Variants in IMMP2L observed in about 807,000 individuals in gnomAD.
IMMP2L encodes the protein mitochondrial inner membrane protease subunit 2.
Under a neutral mutation model 19.3 loss-of-function variants are expected in IMMP2L, and 18 were observed. That is an observed-to-expected ratio of 0.93 (90% CI 0.64 to 1.38). The LOEUF is 1.38. Among genes scored for constraint, IMMP2L ranks in the 40% most tolerant of loss-of-function variants. The pLI is 0.00. For synonymous variants in IMMP2L, 76 were observed against 73.0 expected (o/e 1.04, Z -0.21); for missense variants, 233 against 218.2 (o/e 1.07, Z -0.43).
At chr7:111,348,825 G>T (rs1008943082) in intron 3 of IMMP2L, among the ~76,000 whole-genome samples, 23 of 152,044 alleles carry the variant, frequency 1.5e-4, no homozygotes, top group South Asian at 6.2e-4. Flanking sequence ...GACATCCAAG[G>T]GTTCTGGTAT....
At chr7:110,857,619 C>G (rs1806930981) in intron 5 of IMMP2L, among the ~76,000 whole-genome samples, 1 of 152,068 alleles carries the variant, frequency 6.6e-6, no homozygotes. Context: ...TAGAGCTCAA[C>G]AATCTGTATT....
chr7:111,443,567 T>A (rs944326584), intron 3 of IMMP2L, among the ~76,000 whole-genome samples: 2 of 152,300 alleles, frequency 1.3e-5, no homozygotes, highest in East Asian at 3.9e-4. Flanking sequence ...GACATCCTAG[T>A]GTGCTGCTTT....
rs148103178 is a variant in IMMP2L, at chr7:110,963,170, C to T, written c.305+330G>A. On this transcript the variant is annotated intron_variant, in intron 4 of 5. Coordinates refer to ENST00000405709, the MANE Select transcript of IMMP2L (RefSeq NM_032549.4). ...ATGTTCTTGAATTTTTTTAAATGAA[C>T]CTTAACATCATAATCTTAATCTTAA... The T allele has an allele frequency of 2.1e-4, 230 of 1,074,696 alleles. No individual in the cohort carries two copies. In the African/African-American group the frequency reaches 3.4e-3, roughly 16 times the overall value. The allele number at this position is 1,074,696 out of a possible 1,614,324, so 66.6% of individuals were successfully genotyped here. A position where few individuals can be genotyped will look rare whatever the true frequency, so the allele number is the denominator to read the frequency against.
chr7:110,987,058 T>C (rs1264192772), intron 3 of IMMP2L, among the ~76,000 whole-genome samples: 1 of 152,152 alleles, frequency 6.6e-6, no homozygotes. Flanking sequence ...TATATCAATC[T>C]AGTGGATAGA....
At chr7:111,271,902 C>T (rs921418481) in intron 3 of IMMP2L, among the ~76,000 whole-genome samples, 2 of 152,146 alleles carry the variant, frequency 1.3e-5, no homozygotes, top group Non-Finnish European at 2.9e-5. Context: ...ACATTCTATT[C>T]CTACACATGT....
At chr7:111,421,267 C>CTTTTTT (rs1227013257) in intron 3 of IMMP2L, among the ~76,000 whole-genome samples, 13 of 122,912 alleles carry the variant, frequency 1.1e-4, no homozygotes, top group East Asian at 2.4e-4. Context: ...TTGTTTTTTT[C>CTTTTTT]TTTTTTTTTT....
intron 3 of IMMP2L, chr7:111,099,883 G>A (rs757409375): frequency 2.6e-5 from 4 of 151,528 alleles, no homozygotes; most frequent in Non-Finnish European, 4.4e-5. Flanking sequence ...CAACAAAGAC[G>A]AGGAAGAGGA....
chr7:111,029,895 C>G (rs1270571675), intron 3 of IMMP2L, among the ~76,000 whole-genome samples: 1 of 152,134 alleles, frequency 6.6e-6, no homozygotes, highest in African/African-American at 2.4e-5. Flanking sequence ...GCATAAGTGG[C>G]TTCTGGCAGG....
intron 3 of IMMP2L, among the ~76,000 whole-genome samples, chr7:111,004,156 A>C (rs1313215747): frequency 6.6e-6 from 1 of 152,068 alleles, no homozygotes; most frequent in Non-Finnish European, 1.5e-5. Flanking sequence ...AGGTCACATA[A>C]GCTTCTATAA....
intron 1 of IMMP2L, among the ~76,000 whole-genome samples, chr7:111,530,842 A>C (rs922656246): frequency 2.3e-4 from 35 of 152,196 alleles, no homozygotes; most frequent in Admixed American, 2.0e-4. Context: ...ACTCAGATAA[A>C]AGAAAAATAT....
At chr7:111,097,829 C>A (rs1797565009) in intron 3 of IMMP2L, among the ~76,000 whole-genome samples, 1 of 151,834 alleles carries the variant, frequency 6.6e-6, no homozygotes, top group African/African-American at 2.4e-5. Context: ...ATGACCTTTA[C>A]TGAAATTTCA....
chr7:111,345,648 G>A (rs909658975), intron 3 of IMMP2L, among the ~76,000 whole-genome samples: 4 of 152,130 alleles, frequency 2.6e-5, no homozygotes, highest in Non-Finnish European at 4.4e-5. Flanking sequence ...TAGAACATCA[G>A]AGGAGGCTAG....
At chr7:111,097,753 G>A (rs1797556383) in intron 3 of IMMP2L, among the ~76,000 whole-genome samples, 1 of 151,786 alleles carries the variant, frequency 6.6e-6, no homozygotes, top group East Asian at 1.9e-4. Flanking sequence ...CAGTCACTCA[G>A]AAATACCAAA....
intron 4 of IMMP2L, among the ~76,000 whole-genome samples, chr7:110,927,572 A>G (rs770865095): frequency 3.3e-5 from 5 of 152,112 alleles, no homozygotes; most frequent in Non-Finnish European, 5.9e-5. Context: ...ATGGAATGTC[A>G]CTGGTTTTAT....
At chr7:110,895,027 A>G (rs1811183977) in intron 4 of IMMP2L, among the ~76,000 whole-genome samples, 1 of 152,182 alleles carries the variant, frequency 6.6e-6, no homozygotes, top group Admixed American at 6.6e-5. Context: ...AGACACACCC[A>G]AGACTGGGCA....
chr7:110,947,785 C>T (rs2129553744), intron 4 of IMMP2L, among the ~76,000 whole-genome samples: 1 of 152,288 alleles, frequency 6.6e-6, no homozygotes, highest in East Asian at 1.9e-4. Context: ...AGAGCTGAAG[C>T]AGCGTGGGAT....
intron 3 of IMMP2L, among the ~76,000 whole-genome samples, chr7:111,038,053 C>A (rs553260627): frequency 6.6e-6 from 1 of 151,978 alleles, no homozygotes; most frequent in African/African-American, 2.4e-5. Context: ...AAATATTGAC[C>A]GCACCATAAC....
chr7:110,944,499 AACAGAGAGAG>A (rs1585377146), intron 4 of IMMP2L, among the ~76,000 whole-genome samples: 1 of 147,614 alleles, frequency 6.8e-6, no homozygotes, highest in Non-Finnish European at 1.5e-5. Context: ...GTGTGTGTAA[AACAGAGAGAG>A]ACAGAGAGAG....
chr7:110,705,941 C>A (rs990836873), intron 5 of IMMP2L, among the ~76,000 whole-genome samples: 1 of 152,044 alleles, frequency 6.6e-6, no homozygotes, highest in Non-Finnish European at 1.5e-5. Context: ...ATATGTACTA[C>A]ATTTTCTTTA....
Sources: gnomAD v4.1 joint callset for allele counts (sites outside exome capture counted in the v4.1 genomes callset) on GRCh38, gnomAD v4.1.1 for gene constraint, MANE v1.5 for transcripts, NCBI Gene and HGNC (gene_info 2026-07-23, HGNC 2026-07-21) for gene names.